The following IQSEC3 variants were observed in gnomAD, a reference collection of about 807,000 sequenced individuals.
IQSEC3 encodes the protein IQ motif and SEC7 domain-containing protein 3.
In IQSEC3, 50 loss-of-function variants were observed where a neutral mutation model predicts 105.4. The ratio of observed to expected loss-of-function variants is 0.47; its 90% CI spans 0.38 to 0.60. The LOEUF (loss-of-function observed/expected upper bound fraction) is 0.60, where lower values mean the gene tolerates loss of function less well. Ranked by LOEUF, IQSEC3 falls within the 20% of genes least tolerant of loss-of-function variation. The pLI is 0.00. For missense variants in IQSEC3, 1,415 were observed against 1,630.0 expected (o/e 0.87, Z 2.27); for synonymous variants, 708 against 746.0 (o/e 0.95, Z 0.83).
At chr12:107,598 G>A (rs1478690910) in intron 2 of IQSEC3, among the ~76,000 whole-genome samples, 3 of 151,732 alleles carry the variant, frequency 2.0e-5, no homozygotes, top group Admixed American at 2.0e-4. Context: ...TTTTAGTAGA[G>A]ACGGGGTTTC....
intron 2 of IQSEC3, among the ~76,000 whole-genome samples, chr12:103,062 C>T (rs1251410942): frequency 2.0e-5 from 3 of 152,086 alleles, no homozygotes; most frequent in Non-Finnish European, 2.9e-5. Flanking sequence ...CAGAAAAGAT[C>T]GCCCCCTGGT....
chr12:112,873 T>C lies in IQSEC3; in HGVS notation c.624-12760T>C, dbSNP rs868907754. On this transcript the variant is annotated intron_variant, in intron 2 of 13. Coordinates refer to ENST00000538872, the MANE Select transcript of IQSEC3 (RefSeq NM_001170738.2). ...CTGTAGGCCTGTGCACTGTTTTTTT[T>C]CCTACATTTCACTTATTATTGTAAA... is the stretch of plus-strand genomic sequence containing the variant. 3.9e-5 allele frequency among the ~76,000 whole-genome samples: 6 copies of C among 152,284 alleles called. 1 individual carries two copies. Among genetic ancestry groups the C allele is most frequent in the African/African-American group, 7.2e-5 (3 of 41,560 alleles).
At position 130,689 on chromosome 12, in the gene IQSEC3, G is replaced by A. The variant is rs150244528; in HGVS notation, c.903+4777G>A. On this transcript the variant is annotated intron_variant, in intron 3 of 13. Coordinates refer to ENST00000538872, the MANE Select transcript of IQSEC3 (RefSeq NM_001170738.2). ...ACTCCCAGGCAGGCCTCAACGCCCT[G>A]CGTGTCAAGCACTTGCTGTATTCCA... Among the ~76,000 whole-genome samples the A allele has an allele frequency of 3.3e-5, 5 of 152,308 alleles. No homozygotes were observed. The East Asian group carries it at 7.7e-4, about 23-fold the overall frequency.
intron 2 of IQSEC3, among the ~76,000 whole-genome samples, chr12:121,923 A>C (rs1263255791): frequency 2.0e-5 from 3 of 152,176 alleles, no homozygotes; most frequent in Non-Finnish European, 4.4e-5. Flanking sequence ...CAAGTCACAT[A>C]GTAAGTAGCA....
chr12:166,650 A>G (rs1938665562), intron 11 of IQSEC3, among the ~76,000 whole-genome samples: 1 of 152,218 alleles, frequency 6.6e-6, no homozygotes. Flanking sequence ...ACTGAAACAG[A>G]AAATGAAAAT....
chr12:126,237 C>T (rs547620486), intron 3 of IQSEC3, among the ~76,000 whole-genome samples: 18 of 152,358 alleles, frequency 1.2e-4, no homozygotes, highest in South Asian at 4.1e-4. Context: ...TCTGGGGTGT[C>T]CCCACCTCCA....
intron 1 of IQSEC3, among the ~76,000 whole-genome samples, chr12:75,164 A>G (rs1323959684): frequency 1.3e-5 from 2 of 152,254 alleles, no homozygotes; most frequent in Non-Finnish European, 2.9e-5. Context: ...AGTCTTTTAT[A>G]CTTTAGTGTG....
At chr12:88,799 G>T (rs1863995437) in intron 1 of IQSEC3, among the ~76,000 whole-genome samples, 1 of 152,132 alleles carries the variant, frequency 6.6e-6, no homozygotes, top group African/African-American at 2.4e-5. Flanking sequence ...AAGAAAATAG[G>T]GACCAGAAAG....
intron 5 of IQSEC3, chr12:148,086 G>A (rs1208175375): frequency 6.6e-6 from 1 of 152,178 alleles, no homozygotes; most frequent in African/African-American, 2.4e-5. Context: ...GATGTTCTCA[G>A]TGTTGTCTCC....
rs12822449 is a variant in IQSEC3 at position 125,856 on chromosome 12, C to T, written c.847C>T (p.Pro283Ser). The T allele has an allele frequency of 0.99, 1,515,298 of 1,533,410 alleles. 749,498 individuals are homozygous for T. Among genetic ancestry groups the T allele is most frequent in the East Asian group, 1 (40,828 of 40,828 alleles). The allele number at this position is 1,533,410 out of a possible 1,614,324, so 95.0% of individuals were successfully genotyped here. Residue 283 changes from proline (P) to serine (S), a missense_variant, in exon 3 of 14, where the codon CCC (proline) becomes TCC (serine). Physicochemically the swap from Pro to Ser is moderately conservative, Grantham distance 74. Around this residue, in one of 6 missense-constraint regions of IQSEC3, gnomAD observed 720 missense variants for 633.0 expected, o/e 1.14. Transcript: ENST00000538872. The stretch of plus-strand genomic sequence containing the variant: ...GCCTGCCCTGGCGACGGCGCTGTGC[C>T]CCCACGCCCCTGCCGCCTCCGATTA... ...QQPALATALC[P>S]HAPAASDYEL...
chr12:110,340 G>A (rs1864839426), intron 2 of IQSEC3, among the ~76,000 whole-genome samples: 1 of 151,774 alleles, frequency 6.6e-6, no homozygotes, highest in Non-Finnish European at 1.5e-5. Context: ...GCCCTACTGG[G>A]TGCTCTGGAC....
chr12:70,444 T>C (rs1257762091), intron 1 of IQSEC3, among the ~76,000 whole-genome samples: 1 of 152,272 alleles, frequency 6.6e-6, no homozygotes, highest in Non-Finnish European at 1.5e-5. Flanking sequence ...AAGAAAAACA[T>C]TTGAAGGGTT....
Position 79,810 on chromosome 12 carries a change from C to T in IQSEC3, c.554+12374C>T, listed in dbSNP as rs146203005. Among the ~76,000 whole-genome samples, 771 of 152,298 alleles carry T rather than the reference C, an allele frequency of 5.1e-3. 10 individuals carry two copies. Among genetic ancestry groups the T allele is most frequent in the East Asian group, 0.036 (188 of 5,184 alleles). On this transcript the variant is annotated intron_variant, in intron 1 of 13. Coordinates refer to ENST00000538872, the MANE Select transcript of IQSEC3 (RefSeq NM_001170738.2). ...TCCTTGTTTCCTAACCACTCGAATT[C>T]CTGCCCGCCCCCACACCTTCCAGCA...
chr12:177,637 T>G lies in IQSEC3; in HGVS notation c.*2604T>G, dbSNP rs532928567. On this transcript the variant is annotated 3_prime_UTR_variant, in exon 14 of 14. Coordinates refer to ENST00000538872, the MANE Select transcript of IQSEC3 (RefSeq NM_001170738.2). The surrounding 1 kb of genome is among the most constrained non-coding windows in gnomAD (Gnocchi z 5.3). ...GGGGCATTTAACACCCCTGAGGGCC[T>G]GGGGCAGGACACAGCTGGCCCTCCT... 1.3e-5 allele frequency: 2 copies of G among 152,466 alleles called. No homozygotes were observed. The highest frequency in any genetic ancestry group is 3.9e-4 in the East Asian group (2 of 5,166). 9.4% of individuals were successfully genotyped at this position (152,466 alleles called of 1,614,324 possible). A position where few individuals can be genotyped will look rare whatever the true frequency, so the allele number is the denominator to read the frequency against.
Position 138,299 on chromosome 12 carries a change from C to T in IQSEC3, c.936C>T (p.His312=), listed in dbSNP as rs149259310. The change falls in exon 4 of 14, where the codon CAC becomes CAT. Residue 312 remains histidine, a synonymous_variant. Coordinates refer to ENST00000538872, the MANE Select transcript of IQSEC3 (RefSeq NM_001170738.2). The surrounding 1 kb of genome is among the most constrained non-coding windows in gnomAD (Gnocchi z 7.1). Reference sequence around the variant, plus strand: ...TGCTAGAACATAAGTACGGCGGTCACCTGGTGTCCCGGCGCGCCGCTTGCA... The same window carrying T: ...TGCTAGAACATAAGTACGGCGGTCATCTGGTGTCCCGGCGCGCCGCTTGCA... The part of the protein sequence containing the change: ...IEMLEHKYGG[H]LVSRRAACTI... 39 of 1,613,890 alleles carry T rather than the reference C, an allele frequency of 2.4e-5. No individual in the cohort carries two copies. Among genetic ancestry groups the T allele is most frequent in the Non-Finnish European group, 3.1e-5 (36 of 1,179,888 alleles).
intron 5 of IQSEC3, among the ~76,000 whole-genome samples, chr12:146,271 A>G (rs976343751): frequency 2.6e-5 from 4 of 152,162 alleles, no homozygotes; most frequent in African/African-American, 7.2e-5. Context: ...TCCCATGAGG[A>G]AGGGGAGAGC....
intron 1 of IQSEC3, among the ~76,000 whole-genome samples, chr12:82,253 T>A (rs1482169142): frequency 3.3e-5 from 5 of 152,290 alleles, no homozygotes; most frequent in African/African-American, 1.2e-4. Flanking sequence ...GAGGGATACA[T>A]TGTGGGTGAA....
chr12:143,687 T>G, intron 5 of IQSEC3: 1 of 164,604 alleles, frequency 6.1e-6, no homozygotes. Flanking sequence ...TGCAGGGCAG[T>G]GCTGGGGTGC....
At position 174,665 on chromosome 12, in the gene IQSEC3, C is replaced by G; in HGVS notation, c.3181C>G (p.Pro1061Ala). The G allele has an allele frequency of 6.3e-7, 1 of 1,589,550 alleles. No homozygotes were observed. The highest frequency in any genetic ancestry group is 8.5e-7 in the Non-Finnish European group (1 of 1,175,202). ...CGGGCTGGGGGCCGAGAGGGGAGCG[C>G]CGGTGCCGCCGCCAGACCTGCAGCC... ...NSGLGAERGA[P>A]VPPPDLQPSP... Residue 1061 changes from proline (P) to alanine (A), a missense_variant, in exon 14 of 14, where the codon CCG becomes GCG. Physicochemically the swap from Pro to Ala is conservative, Grantham distance 27. Around this residue, in one of 6 missense-constraint regions of IQSEC3, gnomAD observed 419 missense variants for 436.2 expected, o/e 0.96. Coordinates refer to ENST00000538872, the MANE Select transcript of IQSEC3 (RefSeq NM_001170738.2).
Sources: allele counts gnomAD v4.1 joint callset (sites outside exome capture counted in the v4.1 genomes callset), GRCh38; gene constraint gnomAD v4.1.1; regional missense constraint gnomAD v4.1.1; non-coding constraint Gnocchi (gnomAD v3.1); transcripts MANE v1.5; gene names NCBI Gene and HGNC (gene_info 2026-07-23, HGNC 2026-07-21).